The following SLC24A3 variants were observed in gnomAD, a reference collection of about 807,000 sequenced individuals.
The protein encoded by SLC24A3 is solute carrier family 24 member 3.
In SLC24A3, 28 loss-of-function variants were observed where a neutral mutation model predicts 75.8. That is an observed-to-expected ratio of 0.37 (90% CI 0.27 to 0.51). The LOEUF (loss-of-function observed/expected upper bound fraction) is 0.51, where lower values mean the gene tolerates loss of function less well. SLC24A3 is among the 20% of genes least tolerant of loss of function. The probability of loss-of-function intolerance (pLI) is 0.94; values close to 1 mark genes in which losing one functional copy is unlikely to be tolerated. For missense variants in SLC24A3, 663 were observed against 847.8 expected (o/e 0.78, Z 2.71); for synonymous variants, 372 against 334.1 (o/e 1.11, Z -1.24).
chr20:19,578,872 T>G (rs1038628298), intron 3 of SLC24A3, among the ~76,000 whole-genome samples: 9 of 151,706 alleles, frequency 5.9e-5, no homozygotes, highest in African/African-American at 1.9e-4. Context: ...GGGGCTTAGG[T>G]TTTTTCTGAT....
At chr20:19,705,321 G>C (rs1190702066) in intron 15 of SLC24A3, among the ~76,000 whole-genome samples, 1 of 152,112 alleles carries the variant, frequency 6.6e-6, no homozygotes, top group African/African-American at 2.4e-5. Context: ...TGGATCCTTT[G>C]TTCAGTCCCT....
At chr20:19,679,353 AC>A (rs1204642629) in intron 9 of SLC24A3, among the ~76,000 whole-genome samples, 13 of 152,082 alleles carry the variant, frequency 8.5e-5, no homozygotes, top group African/African-American at 3.1e-4. Flanking sequence ...AAATACGAAA[AC>A]CAGTCAGGCG....
chr20:19,568,053 A>G (rs1002009240), intron 3 of SLC24A3, among the ~76,000 whole-genome samples: 15 of 152,244 alleles, frequency 9.9e-5, no homozygotes, highest in Non-Finnish European at 2.1e-4. Context: ...ATCAGTAATC[A>G]TTAGGAAAAT....
In SLC24A3 at chr20:19,339,142, C is replaced by A. The variant is rs1013307290; in HGVS notation, c.271+58055C>A. On this transcript the variant is annotated intron_variant, in intron 2 of 16. Coordinates refer to ENST00000328041, the MANE Select transcript of SLC24A3 (RefSeq NM_020689.4). ...ACTCTGTTTGTAATTAATTTGAATG[C>A]TTCCAGAGCTTCCTTTTATACCCTC... 2.6e-5 allele frequency among the ~76,000 whole-genome samples: 4 copies of A among 152,038 alleles called. No homozygotes were observed. The East Asian group carries it at 7.7e-4, about 29-fold the overall frequency.
chr20:19,604,617 AC>A (rs1014649420), intron 6 of SLC24A3, among the ~76,000 whole-genome samples: 6 of 152,152 alleles, frequency 3.9e-5, no homozygotes, highest in African/African-American at 2.4e-5. Flanking sequence ...CCCAGTGTTA[AC>A]CTAGATCTCT....
intron 13 of SLC24A3, 73 bp downstream of exon 13, chr20:19,693,498 T>C: frequency 6.4e-7 from 1 of 1,555,312 alleles, no homozygotes; most frequent in South Asian, 1.2e-5. Flanking sequence ...GAGTCAGGGT[T>C]TCAGCCGATA....
In SLC24A3 at chr20:19,702,762, G is replaced by A. The variant is rs552752687; in HGVS notation, c.1719+4082G>A. The stretch of plus-strand genomic sequence containing the variant: ...TCAAGGAGATTCCATTTGATATATG[G>A]TGTGAGGTAGGGATTCAATTTTATT... On this transcript the variant is annotated intron_variant, in intron 15 of 16. Transcript: ENST00000328041. Among the ~76,000 whole-genome samples the A allele has an allele frequency of 1.2e-4, 18 of 152,272 alleles. No homozygotes were observed. The South Asian group carries it at 3.5e-3, about 30-fold the overall frequency.
intron 2 of SLC24A3, among the ~76,000 whole-genome samples, chr20:19,497,640 G>T (rs1988314272): frequency 6.6e-6 from 1 of 152,104 alleles, no homozygotes; most frequent in African/African-American, 2.4e-5. Context: ...TCCTGAAGAG[G>T]CTGCTGTGGT....
chr20:19,569,623 G>A (rs1335423007), intron 3 of SLC24A3, among the ~76,000 whole-genome samples: 1 of 152,196 alleles, frequency 6.6e-6, no homozygotes, highest in Non-Finnish European at 1.5e-5. Context: ...ATGGGAAGCT[G>A]TGACAGGAGA....
At chr20:19,262,746 G>A (rs1281737871) in intron 1 of SLC24A3, among the ~76,000 whole-genome samples, 1 of 152,182 alleles carries the variant, frequency 6.6e-6, no homozygotes, top group East Asian at 1.9e-4. Flanking sequence ...CTATGATGGG[G>A]ACATTTACTA....
Position 19,685,374 on chromosome 20 carries a change from A to G in SLC24A3, c.1324+13A>G, listed in dbSNP as rs367938585. On this transcript the variant is annotated intron_variant, in intron 12 of 16. Coordinates refer to ENST00000328041, the MANE Select transcript of SLC24A3 (RefSeq NM_020689.4). Reference sequence around the variant, plus strand: ...TTCGACACCCCCTGTAAGAGGTTCTATGTCTGGGCTGGGGTTGGGAGCTAT... The same window carrying G: ...TTCGACACCCCCTGTAAGAGGTTCTGTGTCTGGGCTGGGGTTGGGAGCTAT... 4.0e-5 allele frequency: 65 copies of G among 1,611,062 alleles called. No homozygotes were observed. The highest frequency in any genetic ancestry group is 1.6e-4 in the African/African-American group (12 of 75,020).
At chr20:19,675,683 A>G (rs1007830677) in intron 9 of SLC24A3, among the ~76,000 whole-genome samples, 3 of 152,210 alleles carry the variant, frequency 2.0e-5, no homozygotes, top group African/African-American at 7.2e-5. Context: ...TAATGAAGAA[A>G]CCAGAAGTTA....
At chr20:19,695,586 G>A (rs188724706) in intron 13 of SLC24A3, 68 of 152,252 alleles carry the variant, frequency 4.5e-4, no homozygotes, top group African/African-American at 1.2e-3. Flanking sequence ...TGGAAGTGAC[G>A]AAGTCCTGAC....
chr20:19,515,089 C>T (rs1340704547), intron 2 of SLC24A3, among the ~76,000 whole-genome samples: 1 of 152,230 alleles, frequency 6.6e-6, no homozygotes, highest in Non-Finnish European at 1.5e-5. Context: ...CACATGGAAA[C>T]TGACTGTGTG....
chr20:19,374,647 T>C (rs1986050062), intron 2 of SLC24A3, among the ~76,000 whole-genome samples: 2 of 152,230 alleles, frequency 1.3e-5, no homozygotes, highest in Admixed American at 1.3e-4. Flanking sequence ...GGGGTAGGCA[T>C]GAAGGCACTC....
chr20:19,714,418 AAAAAAAAAC>A lies in SLC24A3; in HGVS notation c.1720-3107_1720-3099del, dbSNP rs1374357449. 5.9e-5 allele frequency among the ~76,000 whole-genome samples: 8 copies of A among 134,906 alleles called. No individual in the cohort carries two copies. The East Asian group carries it at 2.0e-3, about 33-fold the overall frequency. The allele number at this position is 134,906 out of a possible 152,430, so 88.5% of individuals were successfully genotyped here. ...AGACCCAGTCTCTAAAAAAAAAAAA[AAAAAAAAAC>A]AACAAAAAGAGGCAATGGCAATGAC... On this transcript the variant is annotated intron_variant, in intron 15 of 16. Coordinates refer to ENST00000328041, the MANE Select transcript of SLC24A3 (RefSeq NM_020689.4).
At chr20:19,392,031 G>T (rs1347179290) in intron 2 of SLC24A3, among the ~76,000 whole-genome samples, 1 of 152,176 alleles carries the variant, frequency 6.6e-6, no homozygotes, top group Non-Finnish European at 1.5e-5. Flanking sequence ...AACTTCATGA[G>T]ACCAGTGATA....
chr20:19,695,596 CT>C (rs1478191606), intron 13 of SLC24A3: 1 of 152,178 alleles, frequency 6.6e-6, no homozygotes, highest in Non-Finnish European at 1.5e-5. Context: ...GAAGTCCTGA[CT>C]TTAGTGTATC....
At chr20:19,346,147 A>ATATATATATGGTG (rs1367739111) in intron 2 of SLC24A3, among the ~76,000 whole-genome samples, 1 of 79,662 alleles carries the variant, frequency 1.3e-5, no homozygotes, top group Non-Finnish European at 2.4e-5. Context: ...TGGTGTGTGT[A>ATATATATATGGTG]TATATATATG....
Sources: gnomAD v4.1 joint callset for allele counts (sites outside exome capture counted in the v4.1 genomes callset) on GRCh38, gnomAD v4.1.1 for gene constraint, MANE v1.5 for transcripts, NCBI Gene and HGNC (gene_info 2026-07-23, HGNC 2026-07-21) for gene names.